AMBRA1: variants seen among roughly 807,000 people sequenced by gnomAD.
The protein encoded by AMBRA1 is activating molecule in BECN1-regulated autophagy protein 1.
In AMBRA1, 47 loss-of-function variants were observed where a neutral mutation model predicts 125.4. The ratio of observed to expected loss-of-function variants is 0.37; its 90% CI spans 0.30 to 0.48. The LOEUF is 0.48. Ranked by LOEUF, AMBRA1 falls within the 20% of genes least tolerant of loss-of-function variation. The pLI is 0.99. For missense variants in AMBRA1, 1,331 were observed against 1,693.4 expected (o/e 0.79, Z 3.76); for synonymous variants, 626 against 655.5 (o/e 0.95, Z 0.69).
At chr11:46,587,367 G>A (rs533390467) in intron 1 of AMBRA1, among the ~76,000 whole-genome samples, 11 of 152,020 alleles carry the variant, frequency 7.2e-5, no homozygotes, top group African/African-American at 1.9e-4. Flanking sequence ...GCCACAGAGT[G>A]AGACCCTGCC....
At chr11:46,573,407 A>G (rs549797429) in intron 1 of AMBRA1, among the ~76,000 whole-genome samples, 2 of 151,992 alleles carry the variant, frequency 1.3e-5, no homozygotes, top group African/African-American at 4.8e-5. Flanking sequence ...CTGTCTCAGA[A>G]AAACAAAACA....
chr11:46,535,174 A>G (rs1304306229), intron 7 of AMBRA1, among the ~76,000 whole-genome samples: 1 of 152,190 alleles, frequency 6.6e-6, no homozygotes, highest in East Asian at 1.9e-4. Context: ...ATTCTTTCCT[A>G]TTTGTCCTTA....
intron 12 of AMBRA1, among the ~76,000 whole-genome samples, chr11:46,435,354 GA>G (rs1947670896): frequency 6.6e-6 from 1 of 152,110 alleles, no homozygotes; most frequent in African/African-American, 2.4e-5. Flanking sequence ...ATTATTCCTA[GA>G]GAGCCATTTA....
intron 15 of AMBRA1, among the ~76,000 whole-genome samples, chr11:46,414,105 C>A (rs1248200167): frequency 6.6e-6 from 1 of 152,236 alleles, no homozygotes; most frequent in African/African-American, 2.4e-5. Flanking sequence ...CAGACCTGAG[C>A]TCCCTCAGTG....
At chr11:46,479,695 A>G (rs1949978606) in intron 11 of AMBRA1, among the ~76,000 whole-genome samples, 1 of 152,124 alleles carries the variant, frequency 6.6e-6, no homozygotes. Context: ...AGATTCCGTC[A>G]CACACACAAC....
intron 11 of AMBRA1, among the ~76,000 whole-genome samples, chr11:46,446,505 C>A (rs1158916650): frequency 6.6e-6 from 1 of 152,208 alleles, no homozygotes; most frequent in Non-Finnish European, 1.5e-5. Context: ...TTTCAAGGTT[C>A]TCCCATGTAG....
chr11:46,447,063 G>A (rs1357520552), intron 11 of AMBRA1, among the ~76,000 whole-genome samples: 1 of 152,150 alleles, frequency 6.6e-6, no homozygotes, highest in South Asian at 2.1e-4. Flanking sequence ...GTAGAAAAGG[G>A]TATAATAGTA....
intron 9 of AMBRA1, among the ~76,000 whole-genome samples, chr11:46,505,770 G>A (rs1590975574): frequency 6.6e-6 from 1 of 152,004 alleles, no homozygotes. Context: ...GAGAGAGAGA[G>A]GAGGTGGTAG....
chr11:46,579,617 T>C (rs74912487), intron 1 of AMBRA1, among the ~76,000 whole-genome samples: 3,402 of 152,316 alleles, frequency 0.022, 126 homozygotes, highest in African/African-American at 0.077. Context: ...GATACCAAGC[T>C]AAGCAGCCAA....
At chr11:46,449,745 G>A (rs1948480207) in intron 11 of AMBRA1, among the ~76,000 whole-genome samples, 1 of 152,158 alleles carries the variant, frequency 6.6e-6, no homozygotes. Context: ...CAAAATTGGA[G>A]GATTGACACA....
intron 8 of AMBRA1, among the ~76,000 whole-genome samples, chr11:46,509,706 A>C (rs1413282775): frequency 6.6e-6 from 1 of 152,206 alleles, no homozygotes; most frequent in Non-Finnish European, 1.5e-5. Flanking sequence ...GTCTGTATAC[A>C]CTAATACATA....
chr11:46,570,608 T>A (rs1437181276), intron 1 of AMBRA1, among the ~76,000 whole-genome samples: 1 of 152,174 alleles, frequency 6.6e-6, no homozygotes, highest in Non-Finnish European at 1.5e-5. Context: ...AAACCCTAGC[T>A]CAACGTGATG....
chr11:46,413,442 G>C (rs987671532), intron 15 of AMBRA1, among the ~76,000 whole-genome samples: 1 of 152,200 alleles, frequency 6.6e-6, no homozygotes, highest in Non-Finnish European at 1.5e-5. Context: ...AAGGAATAGA[G>C]TTGAAGACAC....
At chr11:46,566,379 C>T (rs1026653367) in intron 1 of AMBRA1, among the ~76,000 whole-genome samples, 2 of 151,086 alleles carry the variant, frequency 1.3e-5, no homozygotes, top group Admixed American at 6.6e-5. Flanking sequence ...GATTGAGCCA[C>T]GGCACTCCAG....
intron 1 of AMBRA1, among the ~76,000 whole-genome samples, chr11:46,550,616 C>T (rs903145238): frequency 6.6e-6 from 1 of 152,128 alleles, no homozygotes; most frequent in African/African-American, 2.4e-5. Context: ...ATTATTTCTA[C>T]ATGTATTAGC....
intron 1 of AMBRA1, among the ~76,000 whole-genome samples, chr11:46,584,889 T>A (rs569576598): frequency 1.3e-5 from 2 of 152,252 alleles, no homozygotes; most frequent in African/African-American, 2.4e-5. Context: ...CTGGCCAACA[T>A]GGTGAAACCC....
chr11:46,449,498 T>C (rs946094927), intron 11 of AMBRA1, among the ~76,000 whole-genome samples: 1 of 152,158 alleles, frequency 6.6e-6, no homozygotes, highest in African/African-American at 2.4e-5. Flanking sequence ...GGAGGAAAGC[T>C]ACAAAACTGA....
chr11:46,561,994 A>G (rs1202211263), intron 1 of AMBRA1, among the ~76,000 whole-genome samples: 1 of 152,212 alleles, frequency 6.6e-6, no homozygotes, highest in East Asian at 1.9e-4. Context: ...CACTGAGGAT[A>G]CTATAGTAAA....
chr11:46,449,299 CA>C (rs1224843965), intron 11 of AMBRA1, among the ~76,000 whole-genome samples: 1 of 151,984 alleles, frequency 6.6e-6, no homozygotes, highest in African/African-American at 2.4e-5. Flanking sequence ...AAAGAATCAA[CA>C]AAAAAACTCC....
Sources: gnomAD v4.1 joint callset for allele counts (sites outside exome capture counted in the v4.1 genomes callset) on GRCh38, gnomAD v4.1.1 for gene constraint, MANE v1.5 for transcripts, NCBI Gene and HGNC (gene_info 2026-07-23, HGNC 2026-07-21) for gene names.